Variants in AUTS2 observed in about 807,000 individuals in gnomAD.
The protein encoded by AUTS2 is activator of transcription and developmental regulator AUTS2, also known as autism susceptibility gene 2 protein.
A neutral mutation model predicts 112.4 loss-of-function variants in AUTS2; 17 were observed. That is an observed-to-expected ratio of 0.15 (90% CI 0.10 to 0.23). AUTS2 has a LOEUF of 0.23. Ranked by LOEUF, AUTS2 falls within the 10% of genes least tolerant of loss-of-function variation. AUTS2 has a pLI of 1.00. For missense variants in AUTS2, 1,510 were observed against 1,701.6 expected, an observed-to-expected ratio of 0.89 and a Z score of 1.98; for synonymous variants, 751 against 702.7, an observed-to-expected ratio of 1.07 and a Z score of -1.09.
chr7:70,118,307 A>G, intron 3 of AUTS2, 74 bp downstream of exon 3: 1 of 1,405,840 alleles, frequency 7.1e-7, no homozygotes, highest in Non-Finnish European at 9.3e-7. Context: ...CCATTGGTTC[A>G]AGTCTGAATT....
chr7:70,048,308 A>C (rs948065049), intron 2 of AUTS2, among the ~76,000 whole-genome samples: 3 of 152,124 alleles, frequency 2.0e-5, no homozygotes, highest in African/African-American at 7.2e-5. Flanking sequence ...CTGTGTTTGC[A>C]AGGCATGGCT....
chr7:70,610,150 C>T (rs1230769187), intron 5 of AUTS2, among the ~76,000 whole-genome samples: 1 of 152,028 alleles, frequency 6.6e-6, no homozygotes, highest in Non-Finnish European at 1.5e-5. Context: ...AGGCATGTGC[C>T]ACTGTGCCCA....
chr7:70,072,835 G>C (rs1802839207), intron 2 of AUTS2, among the ~76,000 whole-genome samples: 3 of 152,080 alleles, frequency 2.0e-5, no homozygotes, highest in African/African-American at 7.2e-5. Flanking sequence ...GGATGAGAAA[G>C]ACAAATATCA....
chr7:70,017,767 A>G (rs917670197), intron 2 of AUTS2, among the ~76,000 whole-genome samples: 1 of 151,674 alleles, frequency 6.6e-6, no homozygotes, highest in Non-Finnish European at 1.5e-5. Flanking sequence ...AGAAACAACC[A>G]GTTATATTGT....
intron 4 of AUTS2, among the ~76,000 whole-genome samples, chr7:70,340,970 A>G (rs1226279806): frequency 2.0e-5 from 3 of 152,226 alleles, no homozygotes; most frequent in Non-Finnish European, 4.4e-5. Flanking sequence ...ATGAAACTCA[A>G]AACCCACTCC....
chr7:69,892,902 G>C (rs935877802), intron 1 of AUTS2, among the ~76,000 whole-genome samples: 2 of 152,080 alleles, frequency 1.3e-5, no homozygotes, highest in African/African-American at 2.4e-5. Flanking sequence ...ATATATGTGT[G>C]GGTCTCTTTC....
At chr7:69,625,272 C>T (rs74932633) in intron 1 of AUTS2, among the ~76,000 whole-genome samples, 2,063 of 152,298 alleles carry the variant, frequency 0.014, 19 homozygotes, top group Non-Finnish European at 0.023. Context: ...TGTGTGTCTA[C>T]TGTCAGATGT....
At chr7:70,010,651 G>A (rs1020568696) in intron 2 of AUTS2, among the ~76,000 whole-genome samples, 1 of 152,116 alleles carries the variant, frequency 6.6e-6, no homozygotes, top group Non-Finnish European at 1.5e-5. Context: ...TGGAGATTTT[G>A]CAGTTGATAC....
intron 5 of AUTS2, among the ~76,000 whole-genome samples, chr7:70,665,069 T>C (rs1807258810): frequency 6.6e-6 from 1 of 152,010 alleles, no homozygotes; most frequent in African/African-American, 2.4e-5. Flanking sequence ...AGAGACCCTG[T>C]CTCAAAAGAA....
chr7:70,329,996 TATAAA>T (rs1790668110), intron 4 of AUTS2, among the ~76,000 whole-genome samples: 1 of 152,142 alleles, frequency 6.6e-6, no homozygotes, highest in Admixed American at 6.6e-5. Context: ...AAGCCTCTTG[TATAAA>T]GGCCTTAGTC....
chr7:70,580,080 G>A (rs1031777667), intron 5 of AUTS2, among the ~76,000 whole-genome samples: 3 of 152,076 alleles, frequency 2.0e-5, no homozygotes, highest in Non-Finnish European at 4.4e-5. Context: ...CAGTGCCTTC[G>A]AACGTAACCA....
At chr7:69,705,168 C>T (rs1798008316) in intron 1 of AUTS2, among the ~76,000 whole-genome samples, 1 of 152,184 alleles carries the variant, frequency 6.6e-6, no homozygotes, top group Non-Finnish European at 1.5e-5. Flanking sequence ...TGCCTGGCCT[C>T]CTTATGTCTT....
At position 70,006,651 on chromosome 7, in the gene AUTS2, A is replaced by G. The variant is rs889788156; in HGVS notation, c.522+107153A>G. 4.6e-5 allele frequency among the ~76,000 whole-genome samples: 7 copies of G among 152,184 alleles called. No homozygotes were observed. In the East Asian group the frequency reaches 1.4e-3, roughly 29 times the overall value. ...AAAGAGCTTTGATAATCCTCGCCCA[A>G]CTTCCCCAGTTCTAAAGAAGTTTGC... On this transcript the variant is annotated intron_variant, in intron 2 of 18. Transcript: ENST00000342771.
chr7:70,519,869 G>A (rs563814519), intron 5 of AUTS2, among the ~76,000 whole-genome samples: 16 of 152,252 alleles, frequency 1.1e-4, no homozygotes, highest in African/African-American at 3.9e-4. Context: ...AGCCATTCAA[G>A]GAATCTGAAT....
intron 2 of AUTS2, among the ~76,000 whole-genome samples, chr7:70,010,660 A>G (rs1799760409): frequency 6.6e-6 from 1 of 152,200 alleles, no homozygotes; most frequent in South Asian, 2.1e-4. Context: ...TGCAGTTGAT[A>G]CTACAGCATT....
At chr7:69,813,934 GTGGTTCACAGTC>G (rs1790650759) in intron 1 of AUTS2, among the ~76,000 whole-genome samples, 1 of 152,206 alleles carries the variant, frequency 6.6e-6, no homozygotes, top group African/African-American at 2.4e-5. Flanking sequence ...TGAGGTAGGG[GTGGTTCACAGTC>G]TTGCTTGTGG....
chr7:70,024,975 A>G (rs1397347140), intron 2 of AUTS2, among the ~76,000 whole-genome samples: 2 of 152,240 alleles, frequency 1.3e-5, no homozygotes, highest in East Asian at 3.8e-4. Context: ...TTGCCTTGCC[A>G]AGTTGATGCA....
At chr7:69,999,603 C>A (rs1799096186) in intron 2 of AUTS2, among the ~76,000 whole-genome samples, 2 of 152,066 alleles carry the variant, frequency 1.3e-5, no homozygotes, top group African/African-American at 4.8e-5. Flanking sequence ...CACTTAATTC[C>A]TTTCCTGGAG....
At chr7:70,134,594 A>G (rs1441163361) in intron 4 of AUTS2, 23 bp downstream of exon 4, 1 of 1,589,710 alleles carries the variant, frequency 6.3e-7, no homozygotes, top group Admixed American at 1.8e-5. Flanking sequence ...CAACTTCCAC[A>G]TATGTGCCTT....
Sources: gnomAD v4.1 joint callset for allele counts (sites outside exome capture counted in the v4.1 genomes callset) on GRCh38, gnomAD v4.1.1 for gene constraint, MANE v1.5 for transcripts, NCBI Gene and HGNC (gene_info 2026-07-23, HGNC 2026-07-21) for gene names.